The following CCDC148 variants were observed in gnomAD, a reference collection of about 807,000 sequenced individuals.
CCDC148 encodes coiled-coil domain containing 148, also known as coiled-coil domain-containing protein 148.
A neutral mutation model predicts 85.7 loss-of-function variants in CCDC148; 89 were observed. The ratio of observed to expected loss-of-function variants is 1.04; its 90% CI spans 0.87 to 1.24. CCDC148 has a LOEUF of 1.24. CCDC148 is among the 50% of genes most tolerant of loss of function. The pLI is 0.00. For synonymous variants in CCDC148, 230 were observed against 213.9 expected (o/e 1.08, Z -0.66); for missense variants, 692 against 671.7 (o/e 1.03, Z -0.33).
At chr2:158,347,241 T>C (rs929918814) in intron 2 of CCDC148, among the ~76,000 whole-genome samples, 4 of 152,078 alleles carry the variant, frequency 2.6e-5, no homozygotes, top group Non-Finnish European at 2.9e-5. Flanking sequence ...AAAATTAAAA[T>C]ACATTGGTGA....
Position 158,338,743 on chromosome 2 carries a change from C to A in CCDC148, c.747G>T (p.Gln249His). Residue 249 changes from glutamine (Q) to histidine (H), a missense_variant, in exon 7 of 14, where the codon CAG becomes CAT. Coordinates refer to ENST00000283233, the MANE Select transcript of CCDC148 (RefSeq NM_138803.4). Reference protein sequence around the residue: ...YQKKLQDFNLQLEDIYRNCQL... With the variant: ...YQKKLQDFNLHLEDIYRNCQL... ...CTTATCACCTGTATATGTCTTCCAA[C>A]TGCAGATTAAAGTCTTGAAGCTTCT... The A allele has an allele frequency of 6.2e-7, 1 of 1,606,888 alleles. No individual in the cohort carries two copies. Among genetic ancestry groups the A allele is most frequent in the Non-Finnish European group, 8.5e-7 (1 of 1,178,160 alleles).
intron 7 of CCDC148, among the ~76,000 whole-genome samples, chr2:158,317,923 G>C (rs142195251): frequency 3.3e-5 from 5 of 152,304 alleles, no homozygotes; most frequent in Non-Finnish European, 7.4e-5. Flanking sequence ...AAGCAGAACA[G>C]TGTTAGGGGA....
Position 158,312,578 on chromosome 2 carries a change from CAAA to C in CCDC148, c.903+1175_903+1177del, listed in dbSNP as rs61545122. 5.3e-3 allele frequency among the ~76,000 whole-genome samples: 402 copies of C among 76,082 alleles called. 1 individual carries two copies. The highest frequency in any genetic ancestry group is 0.021 in the African/African-American group (357 of 16,858). 49.9% of individuals were successfully genotyped at this position (76,082 alleles called of 152,430 possible). The stretch of plus-strand genomic sequence containing the variant: ...GCCTGGCGACAGTGAGAATCCATCT[CAAA>C]AAAAAAAAAAAAAAAACCAAAAAAC... On this transcript the variant is annotated intron_variant, in intron 8 of 13. Coordinates refer to ENST00000283233, the MANE Select transcript of CCDC148 (RefSeq NM_138803.4).
rs767043307 is a variant in CCDC148 at position 158,172,289 on chromosome 2, C to T, written c.1630-30G>A. 33 of 1,475,524 alleles carry T rather than the reference C, an allele frequency of 2.2e-5. No individual in the cohort carries two copies. In the Admixed American group the frequency reaches 5.1e-4, roughly 23 times the overall value. The allele number at this position is 1,475,524 out of a possible 1,614,324, so 91.4% of individuals were successfully genotyped here. The stretch of plus-strand genomic sequence containing the variant: ...AGAAATAAAAATACAATTTAAATAA[C>T]AATTCATTGAACTAAAATAACTTTT... On this transcript the variant is annotated intron_variant, in intron 13 of 13. Coordinates refer to ENST00000283233, the MANE Select transcript of CCDC148 (RefSeq NM_138803.4).
At chr2:158,340,479 G>C in intron 4 of CCDC148, 86 bp from the exon 5 acceptor site, 1 of 1,495,988 alleles carries the variant, frequency 6.7e-7, no homozygotes, top group Non-Finnish European at 9.1e-7. Flanking sequence ...AGATTTATTT[G>C]GGGATTTCCT....
chr2:158,245,535 G>C (rs1688535005), intron 10 of CCDC148, among the ~76,000 whole-genome samples: 1 of 152,194 alleles, frequency 6.6e-6, no homozygotes, highest in Non-Finnish European at 1.5e-5. Flanking sequence ...CGAGGGGAGA[G>C]ATATGTCTTC....
chr2:158,385,104 A>G lies in CCDC148; in HGVS notation c.26-26534T>C, dbSNP rs77553910. ...CTCATGTGGCCCTCTCTATCTTCAA[A>G]GCCAGCCATGGATAATCACCCTCAT... On this transcript the variant is annotated intron_variant, in intron 1 of 13. Coordinates refer to ENST00000283233, the MANE Select transcript of CCDC148 (RefSeq NM_138803.4). Among the ~76,000 whole-genome samples, 708 of 152,278 alleles carry G rather than the reference A, an allele frequency of 4.6e-3. 1 individual carries two copies. Among genetic ancestry groups the G allele is most frequent in the African/African-American group, 0.016 (646 of 41,566 alleles).
chr2:158,452,779 G>T (rs985661848), intron 1 of CCDC148, among the ~76,000 whole-genome samples: 1 of 152,138 alleles, frequency 6.6e-6, no homozygotes, highest in Non-Finnish European at 1.5e-5. Flanking sequence ...CTCCTTCAAG[G>T]GCTGTGGATA....
chr2:158,416,703 T>A (rs888664192), intron 1 of CCDC148, among the ~76,000 whole-genome samples: 5 of 152,176 alleles, frequency 3.3e-5, no homozygotes, highest in Admixed American at 2.6e-4. Context: ...TTTCCTCATC[T>A]TTCTGTCTTC....
intron 9 of CCDC148, among the ~76,000 whole-genome samples, chr2:158,272,355 A>G (rs759444616): frequency 2.0e-5 from 3 of 152,180 alleles, no homozygotes; most frequent in Non-Finnish European, 2.9e-5. Context: ...GGGTACAGTA[A>G]TATTTCTCTA....
At chr2:158,180,926 A>G (rs543832453) in intron 11 of CCDC148, among the ~76,000 whole-genome samples, 3 of 152,238 alleles carry the variant, frequency 2.0e-5, no homozygotes, top group Non-Finnish European at 2.9e-5. Flanking sequence ...AGACACATAG[A>G]TTAAAGAGCC....
chr2:158,244,934 T>C (rs1688507566), intron 10 of CCDC148, among the ~76,000 whole-genome samples: 2 of 152,222 alleles, frequency 1.3e-5, no homozygotes, highest in South Asian at 4.1e-4. Context: ...AAAATCATTC[T>C]TCTGTGCTCA....
intron 2 of CCDC148, among the ~76,000 whole-genome samples, chr2:158,350,263 C>T (rs914232833): frequency 6.6e-6 from 1 of 152,126 alleles, no homozygotes; most frequent in African/African-American, 2.4e-5. Context: ...CATAATGAGT[C>T]TATCACCAAA....
rs562983184 is a variant in CCDC148 at position 158,206,521 on chromosome 2, G to A, written c.1370+14074C>T. Among the ~76,000 whole-genome samples the A allele has an allele frequency of 1.4e-3, 215 of 152,328 alleles. 1 individual carries two copies. The highest frequency in any genetic ancestry group is 2.5e-3 in the Non-Finnish European group (167 of 68,036). On this transcript the variant is annotated intron_variant, in intron 11 of 13. Coordinates refer to ENST00000283233, the MANE Select transcript of CCDC148 (RefSeq NM_138803.4). Reference sequence around the variant, plus strand: ...CTCAGAAATGTCCCTGAAAGGGGATGGAGGAGGGAAATTTACCATGCAAAT... The same window carrying A: ...CTCAGAAATGTCCCTGAAAGGGGATAGAGGAGGGAAATTTACCATGCAAAT...
At chr2:158,313,548 AG>A in intron 8 of CCDC148, among the ~76,000 whole-genome samples, 1 of 152,330 alleles carries the variant, frequency 6.6e-6, no homozygotes, top group African/African-American at 2.4e-5. Context: ...CTTCTGCCCG[AG>A]GGGGCCCCCC....
intron 1 of CCDC148, among the ~76,000 whole-genome samples, chr2:158,408,361 G>A (rs570964927): frequency 3.9e-5 from 6 of 152,044 alleles, no homozygotes; most frequent in Admixed American, 3.9e-4. Context: ...CTGAAACTTT[G>A]TACCCTTTGA....
chr2:158,240,448 TCTCTCACACACA>T (rs1688301067), intron 10 of CCDC148, among the ~76,000 whole-genome samples: 1 of 47,718 alleles, frequency 2.1e-5, no homozygotes, highest in Admixed American at 3.8e-4. Flanking sequence ...TCTCTCTCTC[TCTCTCACACACA>T]CACACACACA....
At chr2:158,292,839 G>A (rs969057540) in intron 9 of CCDC148, among the ~76,000 whole-genome samples, 1 of 152,230 alleles carries the variant, frequency 6.6e-6, no homozygotes, top group African/African-American at 2.4e-5. Context: ...AAAGCCAGAT[G>A]TAAACTATTT....
intron 9 of CCDC148, among the ~76,000 whole-genome samples, chr2:158,276,106 C>A (rs950935768): frequency 6.6e-6 from 1 of 152,200 alleles, no homozygotes; most frequent in Non-Finnish European, 1.5e-5. Flanking sequence ...CTTCTCAGGT[C>A]AGGATGAGAC....
Sources: allele counts gnomAD v4.1 joint callset (sites outside exome capture counted in the v4.1 genomes callset), GRCh38; gene constraint gnomAD v4.1.1; transcripts MANE v1.5; gene names NCBI Gene and HGNC (gene_info 2026-07-23, HGNC 2026-07-21).